Variants in IL6ST observed in about 807,000 individuals in gnomAD.
IL6ST encodes the protein interleukin-6 receptor subunit beta.
In IL6ST, 24 loss-of-function variants were observed where a neutral mutation model predicts 91.3. That is an observed-to-expected ratio of 0.26 (90% CI 0.19 to 0.37). The LOEUF is 0.37. Ranked by LOEUF, IL6ST falls within the 10% of genes least tolerant of loss-of-function variation. IL6ST has a pLI of 1.00. For missense variants in IL6ST, 914 were observed against 1,078.5 expected (o/e 0.85, Z 2.14); for synonymous variants, 351 against 373.6 (o/e 0.94, Z 0.70).
chr5:55,969,753 T>A lies in IL6ST; in HGVS notation c.167A>T (p.Asp56Val). Residue 56 changes from aspartate (D) to valine (V), a missense_variant, in exon 4 of 17, where the codon GAT (aspartate) becomes GTT (valine). Transcript: ENST00000381298. ...GTAATTAGCATTTACATGAAAATAA[T>A]CCATACATTTTTCCTTTAGCACACA... Reference protein sequence around the residue: ...AVCVLKEKCMDYFHVNANYIV... With the variant: ...AVCVLKEKCMVYFHVNANYIV... 1 of 1,610,986 alleles carries A rather than the reference T, an allele frequency of 6.2e-7. No homozygotes were observed. The highest frequency in any genetic ancestry group is 8.5e-7 in the Non-Finnish European group (1 of 1,177,266).
At position 55,956,139 on chromosome 5, in the gene IL6ST, T is replaced by A. The variant is rs758238821; in HGVS notation, c.1153A>T (p.Thr385Ser). The A allele has an allele frequency of 2.5e-6, 4 of 1,611,382 alleles. No homozygotes were observed. In the Admixed American group the frequency reaches 6.7e-5, roughly 27 times the overall value. ...TTTGTGAGATTTACTGTCAGTTTTG[T>A]GGCATTAACTGTGTAATTTTGTAAA... ...SHLQNYTVNA[T>S]KLTVNLTNDR... The change falls in exon 10 of 17, where the codon ACA (threonine) becomes TCA (serine). Residue 385 changes from threonine (T) to serine (S), a missense_variant. Physicochemically the swap from Thr to Ser is moderately conservative, Grantham distance 58. Transcript: ENST00000381298.
At chr5:55,981,079 G>A (rs112736034) in intron 2 of IL6ST, among the ~76,000 whole-genome samples, 3,769 of 152,250 alleles carry the variant, frequency 0.025, 178 homozygotes, top group African/African-American at 0.086. Flanking sequence ...AGAGGTCCAT[G>A]AAAGAATTTA....
rs1006951200 is a variant in IL6ST, at chr5:55,935,223, AG to A, written c.*5858del. ...GTTTAAATAAAAAGCCATTTAAGTGAGGGGATAATTCTCACTAAAAAAAGCT... is the reference window on the plus strand; with the variant it reads ...GTTTAAATAAAAAGCCATTTAAGTGAGGGATAATTCTCACTAAAAAAAGCT... On this transcript the variant is annotated 3_prime_UTR_variant, in exon 17 of 17. Coordinates refer to ENST00000381298, the MANE Select transcript of IL6ST (RefSeq NM_002184.4). 5.5e-6 allele frequency: 1 copy of A among 182,434 alleles called. No individual in the cohort carries two copies. The highest frequency in any genetic ancestry group is 1.2e-5 in the Non-Finnish European group (1 of 85,630). 11.3% of individuals were successfully genotyped at this position (182,434 alleles called of 1,614,324 possible). A position where few individuals can be genotyped will look rare whatever the true frequency, so the allele number is the denominator to read the frequency against.
chr5:55,971,584 G>C (rs1752965708), intron 3 of IL6ST, among the ~76,000 whole-genome samples: 1 of 152,058 alleles, frequency 6.6e-6, no homozygotes, highest in African/African-American at 2.4e-5. Context: ...GGGGTTCCTG[G>C]GTAGTTACCC....
chr5:55,963,266 A>G (rs886306955), intron 7 of IL6ST, 86 bp downstream of exon 7: 1 of 948,782 alleles, frequency 1.1e-6, no homozygotes, highest in Non-Finnish European at 1.6e-6. Context: ...CCAGAAACTT[A>G]AAGACATTTA....
chr5:55,956,259 A>T (rs754292017), intron 9 of IL6ST, 24 bp from the exon 10 acceptor site: 6 of 1,305,244 alleles, frequency 4.6e-6, no homozygotes, highest in Non-Finnish European at 5.5e-6. Context: ...GTTTATTTTT[A>T]AAAATAATCT....
chr5:55,991,931 C>A (rs1053902400), intron 1 of IL6ST, among the ~76,000 whole-genome samples: 11 of 152,132 alleles, frequency 7.2e-5, no homozygotes, highest in African/African-American at 2.4e-4. Flanking sequence ...CCACACCATG[C>A]CATTTATAAT....
chr5:55,968,732 G>A (rs1752782117), intron 4 of IL6ST, among the ~76,000 whole-genome samples: 1 of 152,256 alleles, frequency 6.6e-6, no homozygotes, highest in African/African-American at 2.4e-5. Flanking sequence ...ATATACATAT[G>A]TTTGTAAGAG....
chr5:55,968,231 C>T, intron 5 of IL6ST, 45 bp downstream of exon 5: 1 of 1,471,474 alleles, frequency 6.8e-7, no homozygotes, highest in Non-Finnish European at 9.2e-7. Flanking sequence ...GCAAAAATGA[C>T]TAACTTTAAT....
chr5:55,964,142 C>T lies in IL6ST; in HGVS notation c.658+4G>A. Reference sequence around the variant, plus strand: ...TAAACTCTCAAATTCAGGTTTATAACTACCTTTATATACAGGATCAAAATT... The same window carrying T: ...TAAACTCTCAAATTCAGGTTTATAATTACCTTTATATACAGGATCAAAATT... On this transcript the variant is annotated splice_donor_region_variant and intron_variant, in intron 6 of 16. Transcript: ENST00000381298. The T allele has an allele frequency of 1.3e-6, 2 of 1,530,192 alleles. No homozygotes were observed. The highest frequency in any genetic ancestry group is 1.8e-6 in the Non-Finnish European group (2 of 1,128,194). The allele number at this position is 1,530,192 out of a possible 1,614,324, so 94.8% of individuals were successfully genotyped here. A position where few individuals can be genotyped will look rare whatever the true frequency, so the allele number is the denominator to read the frequency against.
At chr5:55,951,365 C>A in intron 14 of IL6ST, 99 bp downstream of exon 14, 1 of 895,396 alleles carries the variant, frequency 1.1e-6, no homozygotes, top group Non-Finnish European at 1.7e-6. Context: ...CATCATGAAT[C>A]CAAAGATGTA....
At chr5:55,941,900 T>A (rs1045375053) in intron 16 of IL6ST, 81 bp from the exon 17 acceptor site, 2 of 1,182,822 alleles carry the variant, frequency 1.7e-6, no homozygotes, top group Non-Finnish European at 1.2e-6. Flanking sequence ...TCCCAGTAAC[T>A]CTCAGTGGTA....
intron 14 of IL6ST, chr5:55,948,828 A>G (rs963458777): frequency 6.6e-6 from 1 of 152,108 alleles, no homozygotes; most frequent in African/African-American, 2.4e-5. Context: ...ATTATCCACT[A>G]CTGGTATATT....
chr5:55,936,113 C>T lies in IL6ST; in HGVS notation c.*4969G>A. On this transcript the variant is annotated 3_prime_UTR_variant, in exon 17 of 17. Transcript: ENST00000381298. ...TTTAGACAAAATCACAATGTGAAGG[C>T]ACATTAATAGTTGAGATTTTCTTTT... is the stretch of plus-strand genomic sequence containing the variant. The T allele has an allele frequency of 4.4e-6, 1 of 228,482 alleles. No individual in the cohort carries two copies. Among genetic ancestry groups the T allele is most frequent in the Non-Finnish European group, 8.7e-6 (1 of 115,072 alleles). The allele number at this position is 228,482 out of a possible 1,614,324, so 14.2% of individuals were successfully genotyped here.
chr5:55,938,480 T>G lies in IL6ST; in HGVS notation c.*2602A>C. The stretch of plus-strand genomic sequence containing the variant: ...TTATAATATCAACACATGTAACATT[T>G]GGGTCATTATTTTATAACCCTAAAG... On this transcript the variant is annotated 3_prime_UTR_variant, in exon 17 of 17. Transcript: ENST00000381298. 1 of 196,292 alleles carries G rather than the reference T, an allele frequency of 5.1e-6. No homozygotes were observed. The highest frequency in any genetic ancestry group is 1.1e-5 in the Non-Finnish European group (1 of 94,472). 12.2% of individuals were successfully genotyped at this position (196,292 alleles called of 1,614,324 possible).
At position 55,944,680 on chromosome 5, in the gene IL6ST, C is replaced by T. The variant is rs577681572; in HGVS notation, c.1938-1929G>A. ...CATGAGAGCCAAGTGGAGGAAGAAG[C>T]GAATGCGCAGGCTGAAGCGCAAAAG... is the stretch of plus-strand genomic sequence containing the variant. On this transcript the variant is annotated intron_variant, in intron 15 of 16. Coordinates refer to ENST00000381298, the MANE Select transcript of IL6ST (RefSeq NM_002184.4). The T allele has an allele frequency of 2.1e-4, 223 of 1,042,654 alleles. No homozygotes were observed. The African/African-American group carries it at 3.2e-3, about 15-fold the overall frequency. 64.6% of individuals were successfully genotyped at this position (1,042,654 alleles called of 1,614,324 possible).
chr5:55,951,435 A>G (rs1215734775), intron 14 of IL6ST, 29 bp downstream of exon 14: 3 of 1,579,476 alleles, frequency 1.9e-6, no homozygotes, highest in East Asian at 2.2e-5. Context: ...TTTGAGAAAG[A>G]AAAAAAACCA....
intron 1 of IL6ST, among the ~76,000 whole-genome samples, chr5:55,983,856 A>G (rs999615005): frequency 6.6e-6 from 1 of 152,158 alleles, no homozygotes; most frequent in East Asian, 1.9e-4. Flanking sequence ...TGTAAGTGAG[A>G]AATGTTTTAT....
chr5:55,988,228 C>T (rs1580871334), intron 1 of IL6ST, among the ~76,000 whole-genome samples: 2 of 151,350 alleles, frequency 1.3e-5, no homozygotes, highest in Non-Finnish European at 2.9e-5. Context: ...AAGATTCAGA[C>T]AAGATGCTTG....
Sources: allele counts gnomAD v4.1 joint callset (sites outside exome capture counted in the v4.1 genomes callset), GRCh38; gene constraint gnomAD v4.1.1; transcripts MANE v1.5; gene names NCBI Gene and HGNC (gene_info 2026-07-23, HGNC 2026-07-21).